Variants in NRDC observed in about 807,000 individuals in gnomAD.
NRDC encodes nardilysin convertase.
In NRDC, 54 loss-of-function variants were observed where a neutral mutation model predicts 147.1. The observed-to-expected ratio is 0.37, with a 90% CI of 0.29 to 0.46. The LOEUF (loss-of-function observed/expected upper bound fraction) is 0.46. Ranked by LOEUF, NRDC falls within the 20% of genes least tolerant of loss-of-function variation. NRDC has a pLI of 1.00. For synonymous variants in NRDC, 440 were observed against 482.1 expected, an observed-to-expected ratio of 0.91 and a Z score of 1.14; for missense variants, 1,082 against 1,370.6, an observed-to-expected ratio of 0.79 and a Z score of 3.33.
At chr1:51,835,030 G>A (rs1225525489) in intron 3 of NRDC, among the ~76,000 whole-genome samples, 1 of 152,068 alleles carries the variant, frequency 6.6e-6, no homozygotes, top group Non-Finnish European at 1.5e-5. Context: ...ATAAATATTT[G>A]TAACTATATA....
chr1:51,789,244 C>G lies in NRDC; in HGVS notation c.3448G>C (p.Val1150Leu), dbSNP rs774807993. ...TLNLLPYHKIVK is the reference protein window; with the variant it reads ...TLNLLPYHKILK The stretch of plus-strand genomic sequence containing the variant: ...ACGTGACTGCAGTTTATTTATTTGA[C>G]TATTTTATGGTAGGGGAGAAGGTTG... The change falls in exon 31 of 31, where the codon GTC becomes CTC. Residue 1150 changes from valine (V) to leucine (L), a missense_variant. Val to Leu is a conservative substitution (Grantham distance 32). This residue lies in a region of NRDC where 187 missense variants were observed against 193.6 expected (regional missense o/e 0.97). Transcript: ENST00000352171. 1.9e-6 allele frequency: 3 copies of G among 1,613,834 alleles called. No homozygotes were observed. Among genetic ancestry groups the G allele is most frequent in the South Asian group, 2.2e-5 (2 of 91,086 alleles).
intron 17 of NRDC, 38 bp downstream of exon 17, chr1:51,809,277 A>G: frequency 7.3e-7 from 1 of 1,364,332 alleles, no homozygotes; most frequent in African/African-American, 1.4e-5. Context: ...CTATTAGCAC[A>G]TGGATGGATT....
At chr1:51,841,699 G>A (rs920097185) in intron 1 of NRDC, among the ~76,000 whole-genome samples, 8 of 152,120 alleles carry the variant, frequency 5.3e-5, no homozygotes, top group African/African-American at 1.7e-4. Context: ...AGGATAAAAA[G>A]GATAAAACAA....
At chr1:51,793,040 A>T (rs562432324) in intron 24 of NRDC, among the ~76,000 whole-genome samples, 2 of 152,282 alleles carry the variant, frequency 1.3e-5, no homozygotes, top group South Asian at 4.1e-4. Flanking sequence ...ACACAGACTC[A>T]TTTGCTTCCC....
chr1:51,836,242 T>G, intron 2 of NRDC, 30 bp from the exon 3 acceptor site: 1 of 1,606,214 alleles, frequency 6.2e-7, no homozygotes, highest in South Asian at 1.1e-5. Context: ...TACAAATAGT[T>G]GAGTCAACCC....
intron 1 of NRDC, among the ~76,000 whole-genome samples, chr1:51,840,911 G>A (rs1464640128): frequency 6.6e-6 from 1 of 152,116 alleles, no homozygotes; most frequent in Non-Finnish European, 1.5e-5. Flanking sequence ...AAGATAAATT[G>A]TATCCCTCAA....
intron 4 of NRDC, among the ~76,000 whole-genome samples, chr1:51,828,599 A>G (rs1381685474): frequency 6.6e-6 from 1 of 152,154 alleles, no homozygotes; most frequent in Admixed American, 6.5e-5. Context: ...TACCACTTAT[A>G]TAAATACATA....
At chr1:51,862,846 C>T (rs948913161) in intron 1 of NRDC, among the ~76,000 whole-genome samples, 5 of 150,274 alleles carry the variant, frequency 3.3e-5, no homozygotes, top group Admixed American at 2.6e-4. Context: ...CCTGTCTCTA[C>T]TAAATATACA....
chr1:51,822,296 T>C (rs1571868949), intron 7 of NRDC, among the ~76,000 whole-genome samples: 1 of 152,158 alleles, frequency 6.6e-6, no homozygotes, highest in Non-Finnish European at 1.5e-5. Flanking sequence ...TGAATTTATA[T>C]TATTTATATA....
intron 1 of NRDC, among the ~76,000 whole-genome samples, chr1:51,864,520 C>CACCTCCTG (rs1433449285): frequency 1.2e-4 from 19 of 152,264 alleles, no homozygotes; most frequent in African/African-American, 4.1e-4. Flanking sequence ...TCCTCAATTT[C>CACCTCCTG]ACCTCCTGAC....
chr1:51,813,610 A>G (rs957143717), intron 14 of NRDC, among the ~76,000 whole-genome samples: 49 of 152,286 alleles, frequency 3.2e-4, no homozygotes, highest in African/African-American at 1.1e-3. Context: ...AGCCTATTTC[A>G]ATCAAGGAAA....
intron 1 of NRDC, among the ~76,000 whole-genome samples, chr1:51,841,522 G>C (rs1258181543): frequency 2.6e-5 from 4 of 151,762 alleles, no homozygotes; most frequent in African/African-American, 9.7e-5. Context: ...ACCCAAGCTG[G>C]TCTTGAACTC....
chr1:51,838,547 A>T (rs74080647), intron 2 of NRDC, among the ~76,000 whole-genome samples: 6,863 of 152,260 alleles, frequency 0.045, 498 homozygotes, highest in African/African-American at 0.16. Flanking sequence ...AAGTATAGAT[A>T]AGAAGTATTC....
chr1:51,858,341 T>A (rs1474806158), intron 1 of NRDC, among the ~76,000 whole-genome samples: 1 of 151,954 alleles, frequency 6.6e-6, no homozygotes, highest in Non-Finnish European at 1.5e-5. Context: ...CAGCTGGATG[T>A]GGTGGTGTAC....
At chr1:51,873,479 T>TTATA (rs376349518) in intron 1 of NRDC, among the ~76,000 whole-genome samples, 1 of 141,816 alleles carries the variant, frequency 7.1e-6, no homozygotes. Context: ...TATATGGAAT[T>TTATA]TTTATTTATT....
At chr1:51,811,581 G>A (rs1203782048) in intron 15 of NRDC, among the ~76,000 whole-genome samples, 3 of 152,006 alleles carry the variant, frequency 2.0e-5, no homozygotes, top group Non-Finnish European at 2.9e-5. Context: ...TTTCTAATTC[G>A]GGAACCTTAC....
chr1:51,809,632 C>T (rs890922804), intron 16 of NRDC, among the ~76,000 whole-genome samples: 1 of 152,148 alleles, frequency 6.6e-6, no homozygotes, highest in African/African-American at 2.4e-5. Context: ...CACGGTGGCT[C>T]ACACCTGTAA....
At chr1:51,825,831 G>T (rs1377738544) in intron 5 of NRDC, among the ~76,000 whole-genome samples, 1 of 152,164 alleles carries the variant, frequency 6.6e-6, no homozygotes, top group African/African-American at 2.4e-5. Context: ...TTTAGCTACC[G>T]CTAAAGACTG....
At chr1:51,809,466 A>C in intron 16 of NRDC, 65 bp from the exon 17 acceptor site, 2 of 1,048,832 alleles carry the variant, frequency 1.9e-6, no homozygotes, top group Non-Finnish European at 3.0e-6. Context: ...CTTAATAATA[A>C]ACTAGTTATC....
Sources: gnomAD v4.1 joint callset for allele counts (sites outside exome capture counted in the v4.1 genomes callset) on GRCh38, gnomAD v4.1.1 for gene constraint, gnomAD v4.1.1 regional missense constraint, MANE v1.5 for transcripts, NCBI Gene and HGNC (gene_info 2026-07-23, HGNC 2026-07-21) for gene names.